ADGRL2: variants seen among roughly 807,000 people sequenced by gnomAD.
ADGRL2 encodes adhesion G protein-coupled receptor L2.
Under a neutral mutation model 157.4 loss-of-function variants are expected in ADGRL2, and 44 were observed. That is an observed-to-expected ratio of 0.28 (90% CI 0.22 to 0.36). The LOEUF is 0.36. Among genes scored for constraint, ADGRL2 ranks in the 10% least tolerant of loss-of-function variants. The pLI is 1.00. For missense variants in ADGRL2, 1,510 were observed against 1,768.9 expected (o/e 0.85, Z 2.63); for synonymous variants, 585 against 624.7 (o/e 0.94, Z 0.95).
intron 1 of ADGRL2, among the ~76,000 whole-genome samples, chr1:81,428,075 C>T (rs1307160700): frequency 6.6e-6 from 1 of 152,078 alleles, no homozygotes; most frequent in Non-Finnish European, 1.5e-5. Flanking sequence ...TGTGAGTTAA[C>T]AAGATCATTG....
chr1:81,528,522 CTGTAG>C (rs2079521258), intron 2 of ADGRL2, among the ~76,000 whole-genome samples: 1 of 151,978 alleles, frequency 6.6e-6, no homozygotes, highest in Admixed American at 6.6e-5. Context: ...TGGCAGGCGC[CTGTAG>C]TCTCAGCTAC....
At chr1:81,828,130 T>C (rs2091652239) in intron 1 of ADGRL2, among the ~76,000 whole-genome samples, 1 of 152,202 alleles carries the variant, frequency 6.6e-6, no homozygotes, top group South Asian at 2.1e-4. Flanking sequence ...TAAAGTTGTA[T>C]TGGCACACAG....
chr1:81,808,938 T>C (rs1001254649), intron 1 of ADGRL2, among the ~76,000 whole-genome samples: 10 of 151,986 alleles, frequency 6.6e-5, no homozygotes, highest in Non-Finnish European at 1.0e-4. Context: ...CTAGGGAAAA[T>C]AGTTGAAAGG....
intron 3 of ADGRL2, among the ~76,000 whole-genome samples, chr1:81,626,523 C>G (rs150900245): frequency 1.3e-5 from 2 of 152,198 alleles, no homozygotes; most frequent in Admixed American, 6.5e-5. Context: ...ATCTGCCCCC[C>G]TCGGCTTCCC....
At chr1:81,348,217 T>G (rs1036971642) in intron 1 of ADGRL2, among the ~76,000 whole-genome samples, 1 of 152,104 alleles carries the variant, frequency 6.6e-6, no homozygotes, top group Non-Finnish European at 1.5e-5. Flanking sequence ...ATCTAATGGA[T>G]CTTAGCTTCT....
chr1:81,596,886 G>T (rs1337018301), intron 3 of ADGRL2, among the ~76,000 whole-genome samples: 1 of 152,060 alleles, frequency 6.6e-6, no homozygotes, highest in Admixed American at 6.6e-5. Flanking sequence ...ATGTACAACT[G>T]CTGCTTCTTG....
At chr1:81,669,572 A>G (rs549133752) in intron 3 of ADGRL2, among the ~76,000 whole-genome samples, 1 of 152,320 alleles carries the variant, frequency 6.6e-6, no homozygotes, top group African/African-American at 2.4e-5. Flanking sequence ...ACAAACATAT[A>G]AAAGACATGT....
chr1:81,568,968 G>C (rs2080624943), intron 2 of ADGRL2, among the ~76,000 whole-genome samples: 1 of 152,012 alleles, frequency 6.6e-6, no homozygotes, highest in Non-Finnish European at 1.5e-5. Context: ...TTGCTTTGCT[G>C]ATCTATCGCA....
intron 3 of ADGRL2, among the ~76,000 whole-genome samples, chr1:81,620,544 C>T (rs963570478): frequency 1.8e-4 from 27 of 152,212 alleles, no homozygotes; most frequent in Non-Finnish European, 2.9e-5. Flanking sequence ...AGTATAGTCT[C>T]ATCTAAAACA....
At chr1:81,550,283 A>G (rs2080115024) in intron 2 of ADGRL2, among the ~76,000 whole-genome samples, 1 of 152,222 alleles carries the variant, frequency 6.6e-6, no homozygotes. Flanking sequence ...TTGTAAAGCT[A>G]GAATCTCATT....
intron 1 of ADGRL2, among the ~76,000 whole-genome samples, chr1:81,312,354 T>A (rs1419749829): frequency 6.6e-6 from 1 of 152,166 alleles, no homozygotes; most frequent in Non-Finnish European, 1.5e-5. Context: ...CAAGTTACAA[T>A]GATCGCCAGC....
chr1:81,463,945 A>G (rs1392772195), intron 2 of ADGRL2, among the ~76,000 whole-genome samples: 1 of 152,186 alleles, frequency 6.6e-6, no homozygotes, highest in Non-Finnish European at 1.5e-5. Context: ...TACGGAAGGA[A>G]AAAAGTTTCC....
intron 2 of ADGRL2, among the ~76,000 whole-genome samples, chr1:81,572,302 A>G (rs922051608): frequency 6.6e-6 from 1 of 152,212 alleles, no homozygotes; most frequent in African/African-American, 2.4e-5. Context: ...TATATCTACT[A>G]CAGTGTTCAT....
intron 1 of ADGRL2, chr1:81,427,439 G>T: frequency 1.3e-6 from 1 of 752,242 alleles, no homozygotes. Flanking sequence ...AAATTTGGTG[G>T]TGGTAACTGT....
Position 81,671,552 on chromosome 1 carries a change from G to A in ADGRL2, c.-142-90259G>A, listed in dbSNP as rs371190178. On this transcript the variant is annotated intron_variant, in intron 3 of 24. Transcript: ENST00000370721. ...TTTTTAAACAGAGTTTTGCCCCGTC[G>A]CCCAGACTGGAGTGCAGTGGTGCAA... 4.0e-5 allele frequency among the ~76,000 whole-genome samples: 6 copies of A among 150,754 alleles called. No homozygotes were observed. In the East Asian group the frequency reaches 5.8e-4, roughly 15 times the overall value.
chr1:81,509,385 G>C (rs1417905939), intron 2 of ADGRL2, among the ~76,000 whole-genome samples: 2 of 150,376 alleles, frequency 1.3e-5, no homozygotes, highest in Non-Finnish European at 3.0e-5. Context: ...AAAAAAAAAA[G>C]CTGCTTCCTG....
At chr1:81,979,845 C>G (rs1661175480) in intron 17 of ADGRL2, 24 bp from the exon 18 acceptor site, 1 of 1,351,652 alleles carries the variant, frequency 7.4e-7, no homozygotes, top group African/African-American at 1.4e-5. Flanking sequence ...TCATTGTGGT[C>G]TAATTCTTTA....
intron 2 of ADGRL2, among the ~76,000 whole-genome samples, chr1:81,890,734 G>A (rs1035920989): frequency 2.6e-4 from 2 of 7,812 alleles, no homozygotes; most frequent in African/African-American, 1.7e-3. Flanking sequence ...GAGATACACG[G>A]CAGTCTTTGA....
chr1:81,559,726 T>C (rs944931248), intron 2 of ADGRL2, among the ~76,000 whole-genome samples: 3 of 152,206 alleles, frequency 2.0e-5, no homozygotes, highest in South Asian at 2.1e-4. Flanking sequence ...GCAGGTGTTA[T>C]GTTTTTCATC....
Sources: allele counts gnomAD v4.1 joint callset (sites outside exome capture counted in the v4.1 genomes callset), GRCh38; gene constraint gnomAD v4.1.1; transcripts MANE v1.5; gene names NCBI Gene and HGNC (gene_info 2026-07-23, HGNC 2026-07-21).